C12orf42: variants seen among roughly 807,000 people sequenced by gnomAD.
C12orf42 encodes the protein chromosome 12 open reading frame 42.
A neutral mutation model predicts 21.6 loss-of-function variants in C12orf42; 25 were observed. The observed-to-expected ratio is 1.16, with a 90% CI of 0.84 to 1.62. C12orf42 has a LOEUF of 1.62. Among genes scored for constraint, C12orf42 ranks in the 40% most tolerant of loss-of-function variants. The pLI is 0.00. For synonymous variants in C12orf42, 174 were observed against 175.0 expected (o/e 0.99, Z 0.05); for missense variants, 483 against 459.3 (o/e 1.05, Z -0.47).
At chr12:103,073,037 A>C in the C12orf42 span, among the ~76,000 whole-genome samples, 1 of 152,146 alleles carries the variant, frequency 6.6e-6, no homozygotes, top group Admixed American at 6.6e-5. Flanking sequence ...CAGGACATGG[A>C]TGGAGCTGGA....
At chr12:103,434,236 C>T (rs2139392004) in intron 2 of C12orf42, among the ~76,000 whole-genome samples, 1 of 152,270 alleles carries the variant, frequency 6.6e-6, no homozygotes, top group South Asian at 2.1e-4. Context: ...GTTGCATTGT[C>T]CCTGACTAGA....
At chr12:103,216,522 T>C in the C12orf42 span, among the ~76,000 whole-genome samples, 62,846 of 151,660 alleles carry the variant, frequency 0.41, 13,465 homozygotes, top group South Asian at 0.49. Context: ...AGTAGGCTCC[T>C]GCCACCACGC....
At chr12:103,051,899 C>T in the C12orf42 span, among the ~76,000 whole-genome samples, 1 of 152,168 alleles carries the variant, frequency 6.6e-6, no homozygotes, top group East Asian at 1.9e-4. Flanking sequence ...ACTTATTACA[C>T]TATGACAAAA....
At chr12:103,218,079 G>A in the C12orf42 span, among the ~76,000 whole-genome samples, 13 of 152,120 alleles carry the variant, frequency 8.5e-5, no homozygotes, top group East Asian at 1.2e-3. Context: ...TCAGGAGTTC[G>A]AGACTATCCT....
chr12:103,506,839 A>ATATATATT, the C12orf42 span, among the ~76,000 whole-genome samples: 1 of 83,308 alleles, frequency 1.2e-5, no homozygotes, highest in African/African-American at 5.5e-5. Context: ...TATATATTAT[A>ATATATATT]TATATATATA....
chr12:103,379,223 G>T (rs2045957708), intron 3 of C12orf42, among the ~76,000 whole-genome samples: 2 of 152,180 alleles, frequency 1.3e-5, no homozygotes, highest in South Asian at 2.1e-4. Flanking sequence ...ACCCCAATGG[G>T]AACAGGCATC....
At position 103,356,963 on chromosome 12, in the gene C12orf42, G is replaced by A. The variant is rs550814986; in HGVS notation, c.259+11924C>T. ...TATATACACCATGGAATACTATGCA[G>A]CCATAAAAAATGATGAGTTCATGTC... On this transcript the variant is annotated intron_variant, in intron 4 of 5. Transcript: ENST00000548883. Among the ~76,000 whole-genome samples the A allele has an allele frequency of 4.6e-5, 7 of 152,068 alleles. No individual in the cohort carries two copies. In the South Asian group the frequency reaches 8.3e-4, roughly 18 times the overall value.
chr12:103,272,487 G>C (rs1395811233), intron 5 of C12orf42, among the ~76,000 whole-genome samples: 2 of 152,140 alleles, frequency 1.3e-5, no homozygotes, highest in Non-Finnish European at 2.9e-5. Flanking sequence ...CATGGCTTGA[G>C]TACATAACCA....
At chr12:103,056,114 C>G in the C12orf42 span, among the ~76,000 whole-genome samples, 1 of 152,050 alleles carries the variant, frequency 6.6e-6, no homozygotes, top group Non-Finnish European at 1.5e-5. Flanking sequence ...GTTGTTCCAT[C>G]AATTGTTGAG....
intron 2 of C12orf42, among the ~76,000 whole-genome samples, chr12:103,424,898 TC>T (rs1402551636): frequency 3.0e-4 from 46 of 152,228 alleles, no homozygotes; most frequent in African/African-American, 1.1e-3. Flanking sequence ...GCTCAGCAGA[TC>T]CCACCCCCAT....
At chr12:103,411,067 A>C (rs2048810278) in intron 2 of C12orf42, among the ~76,000 whole-genome samples, 1 of 152,174 alleles carries the variant, frequency 6.6e-6, no homozygotes, top group Non-Finnish European at 1.5e-5. Flanking sequence ...AATTTCCTTC[A>C]AGGCATGTGT....
intron 2 of C12orf42, among the ~76,000 whole-genome samples, chr12:103,406,508 G>A (rs2048438151): frequency 1.3e-5 from 2 of 152,148 alleles, no homozygotes; most frequent in African/African-American, 4.8e-5. Flanking sequence ...TGTTTCTAAT[G>A]ATCTATGTTT....
At chr12:103,234,115 G>C (rs577541452), downstream of C12orf42, among the ~76,000 whole-genome samples, 3 of 152,146 alleles carry the variant, frequency 2.0e-5, no homozygotes, top group African/African-American at 7.2e-5. Flanking sequence ...TGCATTAATC[G>C]ATTTTTGAAT....
chr12:103,134,601 A>C, the C12orf42 span, among the ~76,000 whole-genome samples: 1 of 152,088 alleles, frequency 6.6e-6, no homozygotes, highest in Non-Finnish European at 1.5e-5. Context: ...GAATGAAAAA[A>C]GCCTATAAGA....
chr12:103,218,657 T>C, the C12orf42 span, among the ~76,000 whole-genome samples: 7 of 152,252 alleles, frequency 4.6e-5, no homozygotes, highest in African/African-American at 1.4e-4. Context: ...CTGTGGACTG[T>C]GACAAGTGGC....
the C12orf42 span, among the ~76,000 whole-genome samples, chr12:103,181,369 A>G: frequency 6.6e-6 from 1 of 152,256 alleles, no homozygotes; most frequent in Non-Finnish European, 1.5e-5. Flanking sequence ...AGAAATTTTC[A>G]AGAGAAGAAG....
chr12:103,069,200 T>C, the C12orf42 span, among the ~76,000 whole-genome samples: 1 of 151,334 alleles, frequency 6.6e-6, no homozygotes, highest in African/African-American at 2.4e-5. Context: ...TTTTAAGTTT[T>C]AGAATTCCCA....
At chr12:103,155,781 T>C in the C12orf42 span, among the ~76,000 whole-genome samples, 1 of 149,498 alleles carries the variant, frequency 6.7e-6, no homozygotes, top group African/African-American at 2.5e-5. Context: ...ATACATATAG[T>C]AAAAATAGTA....
At chr12:103,289,856 C>T (rs1467980181) in intron 4 of C12orf42, among the ~76,000 whole-genome samples, 1 of 152,166 alleles carries the variant, frequency 6.6e-6, no homozygotes, top group Non-Finnish European at 1.5e-5. Context: ...GGTTATTAAG[C>T]TATAGATAAT....
Sources: gnomAD v4.1 joint callset for allele counts (sites outside exome capture counted in the v4.1 genomes callset) on GRCh38, gnomAD v4.1.1 for gene constraint, MANE v1.5 for transcripts, NCBI Gene and HGNC (gene_info 2026-07-23, HGNC 2026-07-21) for gene names.